The following QKI variants were observed in gnomAD, a reference collection of about 807,000 sequenced individuals.
The protein encoded by QKI is QKI, KH domain containing RNA binding.
Under a neutral mutation model 39.0 loss-of-function variants are expected in QKI, and 10 were observed. The observed-to-expected ratio is 0.26, with a 90% CI of 0.16 to 0.43. The LOEUF (loss-of-function observed/expected upper bound fraction) is 0.43, where lower values mean the gene tolerates loss of function less well. Among genes scored for constraint, QKI ranks in the 20% least tolerant of loss-of-function variants. The pLI is 1.00. For missense variants in QKI, 218 were observed against 428.0 expected (o/e 0.51, Z 4.33); for synonymous variants, 204 against 155.4 (o/e 1.31, Z -2.33).
intron 6 of QKI, chr6:163,565,823 T>C: frequency 1.4e-6 from 2 of 1,389,534 alleles, no homozygotes; most frequent in Middle Eastern, 4.0e-4. Context: ...TTAAATTATT[T>C]TAAAATAAGC....
intron 3 of QKI, among the ~76,000 whole-genome samples, chr6:163,509,824 A>G (rs1409366630): frequency 6.6e-6 from 1 of 152,154 alleles, no homozygotes; most frequent in Non-Finnish European, 1.5e-5. Flanking sequence ...AAAATGGTAG[A>G]TAAACACCTA....
In QKI at chr6:163,499,909, A is replaced by T. The variant is rs1778644913; in HGVS notation, c.402+21013A>T. On this transcript the variant is annotated intron_variant, in intron 3 of 7. Transcript: ENST00000361752. ...TAGGGATAAGTGCCATGAAAATTAT[A>T]ATAATGCCAGGCAATGTAAGTATGG... Among the ~76,000 whole-genome samples, 5 of 152,292 alleles carry T rather than the reference A, an allele frequency of 3.3e-5. No homozygotes were observed. In the South Asian group the frequency reaches 1.0e-3, roughly 32 times the overall value.
At chr6:163,502,133 G>A (rs1354566421) in intron 3 of QKI, among the ~76,000 whole-genome samples, 1 of 151,906 alleles carries the variant, frequency 6.6e-6, no homozygotes, top group Admixed American at 6.6e-5. Flanking sequence ...GACCAGACTG[G>A]GCAACACAGC....
chr6:163,544,980 A>G (rs1377623028), intron 4 of QKI, among the ~76,000 whole-genome samples: 1 of 152,126 alleles, frequency 6.6e-6, no homozygotes, highest in Non-Finnish European at 1.5e-5. Context: ...CTGTTGAACC[A>G]TTAATAAAAC....
At chr6:163,569,840 C>T in intron 7 of QKI, 1 of 986,276 alleles carries the variant, frequency 1.0e-6, no homozygotes, top group Non-Finnish European at 1.2e-6. Context: ...TTATTGGTAT[C>T]AATTAGAAAT....
At chr6:163,569,894 T>G (rs1783603925) in intron 7 of QKI, 2 of 986,950 alleles carry the variant, frequency 2.0e-6, no homozygotes, top group Non-Finnish European at 2.4e-6. Context: ...GAGTGTAGAA[T>G]TTTAAATGGC....
intron 3 of QKI, among the ~76,000 whole-genome samples, chr6:163,501,942 T>TA (rs1778792369): frequency 3.5e-5 from 2 of 57,944 alleles, no homozygotes; most frequent in South Asian, 1.4e-3. Context: ...CCTTTGAGGA[T>TA]AAAAAACTGT....
intron 4 of QKI, among the ~76,000 whole-genome samples, chr6:163,550,007 C>T (rs1782126521): frequency 6.6e-6 from 1 of 152,162 alleles, no homozygotes; most frequent in Non-Finnish European, 1.5e-5. Flanking sequence ...GAAGCTTTGA[C>T]CGTGCAGTCA....
intron 2 of QKI, among the ~76,000 whole-genome samples, chr6:163,473,291 C>A (rs1363950059): frequency 6.6e-6 from 1 of 152,076 alleles, no homozygotes. Context: ...GAGAGTAGAA[C>A]CACGTAAGAC....
intron 3 of QKI, among the ~76,000 whole-genome samples, chr6:163,530,594 A>G (rs997276733): frequency 2.0e-5 from 3 of 152,208 alleles, no homozygotes; most frequent in African/African-American, 7.2e-5. Flanking sequence ...CTTGAGCTGG[A>G]ATGGACTACA....
intron 3 of QKI, among the ~76,000 whole-genome samples, chr6:163,498,647 A>G (rs547387443): frequency 5.9e-5 from 9 of 151,652 alleles, no homozygotes; most frequent in Non-Finnish European, 8.8e-5. Flanking sequence ...CCCCAGACTT[A>G]GTTTGTTTTT....
chr6:163,569,353 A>G, intron 7 of QKI: 1 of 1,206,100 alleles, frequency 8.3e-7, no homozygotes, highest in Non-Finnish European at 1.0e-6. Context: ...ACTGAACATT[A>G]CACCTTCTGG....
chr6:163,464,258 C>T (rs9346960), intron 2 of QKI, among the ~76,000 whole-genome samples: 63,996 of 150,824 alleles, frequency 0.42, 16,697 homozygotes, highest in East Asian at 0.72. Context: ...TTTTCATTCT[C>T]GCAGTAAAAA....
intron 3 of QKI, among the ~76,000 whole-genome samples, chr6:163,534,354 C>T (rs1165913960): frequency 6.6e-6 from 1 of 151,966 alleles, no homozygotes; most frequent in Non-Finnish European, 1.5e-5. Flanking sequence ...TTCATAATTA[C>T]CGCATGAAAT....
intron 3 of QKI, among the ~76,000 whole-genome samples, chr6:163,482,844 T>G (rs979321959): frequency 1.3e-5 from 2 of 152,108 alleles, no homozygotes; most frequent in Admixed American, 1.3e-4. Flanking sequence ...GCATGACTGA[T>G]GTTCATCATT....
chr6:163,549,566 G>T (rs367788542), intron 4 of QKI, among the ~76,000 whole-genome samples: 1 of 152,084 alleles, frequency 6.6e-6, no homozygotes, highest in Admixed American at 6.6e-5. Flanking sequence ...CAAAAAATTA[G>T]TTGGGCATGG....
At chr6:163,531,794 C>G (rs1249039505) in intron 3 of QKI, among the ~76,000 whole-genome samples, 1 of 152,174 alleles carries the variant, frequency 6.6e-6, no homozygotes, top group Non-Finnish European at 1.5e-5. Flanking sequence ...GCATGAGCCA[C>G]TGTGCCCGGC....
intron 1 of QKI, among the ~76,000 whole-genome samples, chr6:163,428,280 A>G (rs1230310648): frequency 2.0e-5 from 3 of 152,194 alleles, no homozygotes; most frequent in Non-Finnish European, 4.4e-5. Context: ...GATTGATTGC[A>G]GCTATTTTCT....
chr6:163,492,890 CAA>C (rs1381937010), intron 3 of QKI, among the ~76,000 whole-genome samples: 1 of 151,890 alleles, frequency 6.6e-6, no homozygotes, highest in East Asian at 1.9e-4. Flanking sequence ...TAAAAGGAGT[CAA>C]AAGAAGTGAA....
Sources: allele counts gnomAD v4.1 joint callset (sites outside exome capture counted in the v4.1 genomes callset), GRCh38; gene constraint gnomAD v4.1.1; transcripts MANE v1.5; gene names NCBI Gene and HGNC (gene_info 2026-07-23, HGNC 2026-07-21).